Variants in CCDC7 observed in about 807,000 individuals in gnomAD.
CCDC7 encodes coiled-coil domain containing 7, also known as coiled-coil domain-containing protein 7.
CCDC7 carries 183 observed loss-of-function variants against 196.9 expected under a neutral mutation model. The observed-to-expected ratio is 0.93, with a 90% CI of 0.82 to 1.05. CCDC7 has a LOEUF of 1.05. Among genes scored for constraint, CCDC7 ranks in the 50% least tolerant of loss-of-function variants. CCDC7 has a pLI of 0.00. For synonymous variants in CCDC7, 525 were observed against 484.6 expected, an observed-to-expected ratio of 1.08 and a Z score of -1.10; for missense variants, 1,540 against 1,482.2, an observed-to-expected ratio of 1.04 and a Z score of -0.64.
intron 28 of CCDC7, among the ~76,000 whole-genome samples, chr10:32,737,140 T>C (rs1418722158): frequency 6.6e-6 from 1 of 152,184 alleles, no homozygotes; most frequent in Non-Finnish European, 1.5e-5. Context: ...CTTTAGTCTG[T>C]TGATGTGGTG....
intron 31 of CCDC7, among the ~76,000 whole-genome samples, chr10:32,821,487 A>G (rs1292622139): frequency 6.6e-6 from 1 of 152,208 alleles, no homozygotes; most frequent in Non-Finnish European, 1.5e-5. Context: ...ATTATAAAAC[A>G]TGCTGCTATA....
At chr10:32,640,375 A>G (rs1027934981) in intron 20 of CCDC7, among the ~76,000 whole-genome samples, 2 of 152,040 alleles carry the variant, frequency 1.3e-5, no homozygotes, top group African/African-American at 4.8e-5. Context: ...ATCTTCCTCC[A>G]TCCCTTTATT....
intron 26 of CCDC7, among the ~76,000 whole-genome samples, chr10:32,728,271 T>A (rs76478076): frequency 0.019 from 2,897 of 152,122 alleles, 45 homozygotes; most frequent in African/African-American, 0.034. Context: ...ACATTTTTTT[T>A]AAAAAAATCC....
At chr10:32,717,257 T>C (rs1490156714) in intron 25 of CCDC7, among the ~76,000 whole-genome samples, 2 of 152,188 alleles carry the variant, frequency 1.3e-5, no homozygotes, top group Non-Finnish European at 2.9e-5. Flanking sequence ...ACATGGAAAC[T>C]GAACAACCTG....
chr10:32,540,169 A>G, intron 11 of CCDC7, among the ~76,000 whole-genome samples: 1 of 152,084 alleles, frequency 6.6e-6, no homozygotes, highest in Non-Finnish European at 1.5e-5. Flanking sequence ...GGTCCCTAAG[A>G]ACTTGCTTAC....
At chr10:32,746,211 C>T (rs2074701186) in intron 28 of CCDC7, among the ~76,000 whole-genome samples, 1 of 152,106 alleles carries the variant, frequency 6.6e-6, no homozygotes, top group Non-Finnish European at 1.5e-5. Flanking sequence ...GAGTAGGAAG[C>T]TGGGAAGCCT....
intron 21 of CCDC7, among the ~76,000 whole-genome samples, chr10:32,668,828 G>T (rs1020985995): frequency 6.6e-6 from 1 of 151,904 alleles, no homozygotes; most frequent in Admixed American, 6.6e-5. Flanking sequence ...CTATATATTG[G>T]TTTATGTTAT....
intron 32 of CCDC7, among the ~76,000 whole-genome samples, chr10:32,832,825 G>A (rs575260740): frequency 6.6e-6 from 1 of 151,904 alleles, no homozygotes; most frequent in East Asian, 1.9e-4. Context: ...GTAATTGTGT[G>A]GTACCATATA....
intron 21 of CCDC7, among the ~76,000 whole-genome samples, chr10:32,682,477 T>G (rs1259795429): frequency 6.6e-6 from 1 of 152,224 alleles, no homozygotes; most frequent in Non-Finnish European, 1.5e-5. Flanking sequence ...GCATGTGTCT[T>G]TATGGTAAAA....
At chr10:32,804,672 C>T (rs888242212) in intron 29 of CCDC7, among the ~76,000 whole-genome samples, 8 of 152,100 alleles carry the variant, frequency 5.3e-5, no homozygotes, top group African/African-American at 1.7e-4. Context: ...ATGTTATTAT[C>T]ATAAATTCTG....
Position 32,672,432 on chromosome 10 carries a change from A to C in CCDC7, c.2122+8271A>C, listed in dbSNP as rs2074232003. 2.0e-5 allele frequency among the ~76,000 whole-genome samples: 3 copies of C among 152,118 alleles called. No individual in the cohort carries two copies. In the South Asian group the frequency reaches 6.2e-4, roughly 32 times the overall value. ...AGGTGTGGGTGGGTTCAATGTAGAC[A>C]CAAAACCCAGGTCTGGAATGTGGTT... On this transcript the variant is annotated intron_variant, in intron 21 of 41. Coordinates refer to ENST00000639629, the Ensembl canonical transcript of CCDC7.
intron 23 of CCDC7, among the ~76,000 whole-genome samples, chr10:32,690,902 C>T (rs960192856): frequency 6.6e-6 from 1 of 152,200 alleles, no homozygotes; most frequent in Non-Finnish European, 1.5e-5. Flanking sequence ...AGGATACTCT[C>T]ATGGTAGTGT....
chr10:32,638,440 A>C (rs1407644596), intron 20 of CCDC7, among the ~76,000 whole-genome samples: 1 of 152,148 alleles, frequency 6.6e-6, no homozygotes, highest in Non-Finnish European at 1.5e-5. Context: ...TTTAGCATGA[A>C]GGTTGTTGAA....
At chr10:32,858,609 G>A (rs751701326) in intron 41 of CCDC7, among the ~76,000 whole-genome samples, 2 of 152,008 alleles carry the variant, frequency 1.3e-5, no homozygotes, top group Admixed American at 6.6e-5. Context: ...AAGAAAAAGC[G>A]TTTGACAAAG....
At chr10:32,504,487 T>C (rs1218867071) in intron 9 of CCDC7, among the ~76,000 whole-genome samples, 2 of 152,224 alleles carry the variant, frequency 1.3e-5, no homozygotes, top group African/African-American at 4.8e-5. Flanking sequence ...TTCTTTGGTG[T>C]ATCACATTAG....
chr10:32,451,720 A>G, exon 1 of CCDC7: 2 of 1,614,172 alleles, frequency 1.2e-6, no homozygotes, highest in Non-Finnish European at 1.7e-6. Context: ...AAAAAGGACT[A>G]CATAATTTAC....
chr10:32,796,363 CAACT>C (rs1001297879), intron 29 of CCDC7, among the ~76,000 whole-genome samples: 6 of 152,122 alleles, frequency 3.9e-5, no homozygotes, highest in African/African-American at 4.8e-5. Flanking sequence ...AATCTCCCAC[CAACT>C]GTCTTAAGTC....
At chr10:32,537,105 T>G (rs2050635052) in intron 11 of CCDC7, among the ~76,000 whole-genome samples, 1 of 152,212 alleles carries the variant, frequency 6.6e-6, no homozygotes, top group African/African-American at 2.4e-5. Context: ...TGAACTAATT[T>G]ACACTCCCAC....
chr10:32,767,009 A>G (rs1374678266), intron 28 of CCDC7, among the ~76,000 whole-genome samples: 1 of 152,058 alleles, frequency 6.6e-6, no homozygotes, highest in Admixed American at 6.6e-5. Context: ...GTAGACTTCC[A>G]TTCAGCCATC....
Sources: gnomAD v4.1 joint callset for allele counts (sites outside exome capture counted in the v4.1 genomes callset) on GRCh38, gnomAD v4.1.1 for gene constraint, MANE v1.5 for transcripts, NCBI Gene and HGNC (gene_info 2026-07-23, HGNC 2026-07-21) for gene names.